Variants in ARHGEF26 observed in about 807,000 individuals in gnomAD.
ARHGEF26 encodes the protein Rho guanine nucleotide exchange factor 26.
Under a neutral mutation model 89.4 loss-of-function variants are expected in ARHGEF26, and 59 were observed. The ratio of observed to expected loss-of-function variants is 0.66; its 90% CI spans 0.54 to 0.82. The LOEUF (loss-of-function observed/expected upper bound fraction) is 0.82, where lower values mean the gene tolerates loss of function less well. ARHGEF26 is among the 40% of genes least tolerant of loss of function. The pLI, the probability that ARHGEF26 is intolerant of heterozygous loss-of-function variation, is 0.00. For synonymous variants in ARHGEF26, 500 were observed against 428.4 expected, an observed-to-expected ratio of 1.17 and a Z score of -2.06; for missense variants, 1,234 against 1,085.6, an observed-to-expected ratio of 1.14 and a Z score of -1.92.
chr3:154,231,899 G>GT (rs142817601), intron 11 of ARHGEF26, among the ~76,000 whole-genome samples: 14 of 147,368 alleles, frequency 9.5e-5, no homozygotes, highest in Non-Finnish European at 1.3e-4. Flanking sequence ...TGTAGTAGCA[G>GT]TTTTTTTTTT....
intron 6 of ARHGEF26, among the ~76,000 whole-genome samples, chr3:154,159,527 C>A (rs1713809): frequency 0.67 from 101,257 of 151,846 alleles, 34,676 homozygotes; most frequent in South Asian, 0.77. Flanking sequence ...TAGTACTTAC[C>A]CCGCACTTGC....
At chr3:154,142,304 G>A (rs1719434143) in intron 4 of ARHGEF26, among the ~76,000 whole-genome samples, 2 of 152,142 alleles carry the variant, frequency 1.3e-5, no homozygotes, top group South Asian at 4.1e-4. Flanking sequence ...CTGGCCTCAA[G>A]TGATCCACTT....
rs2108246911 is a variant in ARHGEF26 at position 154,217,949 on chromosome 3, TA to T, written c.1930del (p.Ile644LeufsTer6). 6.3e-7 allele frequency: 1 copy of T among 1,587,390 alleles called. No individual in the cohort carries two copies. The highest frequency in any genetic ancestry group is 1.8e-5 in the Admixed American group (1 of 56,102). On this transcript the variant is annotated frameshift_variant, in exon 10 of 15. Transcript: ENST00000465093. LOFTEE classifies it high-confidence loss of function. ...MYTINSQLEF[K>X]IKPFPLVSSS... ...ACACAATTAACTCCCAGCTGGAATT[TA>T]AAATTAAGGTATTCTCGTACCTTGT...
In ARHGEF26 at chr3:154,122,294, A is replaced by G; in HGVS notation, c.302A>G (p.Tyr101Cys). The change falls in exon 2 of 15, where the codon TAC becomes TGC. Residue 101 changes from tyrosine (Y) to cysteine (C), a missense_variant. Transcript: ENST00000465093. ...AATGGTGGGACGGCATCCCCGGAGTACAGGGCTGCCTCTCCTCGACTTCGA... is the reference window on the plus strand; with the variant it reads ...AATGGTGGGACGGCATCCCCGGAGTGCAGGGCTGCCTCTCCTCGACTTCGA... ...VANGGTASPE[Y>C]RAASPRLRRP... 1.9e-6 allele frequency: 3 copies of G among 1,612,726 alleles called. No individual in the cohort carries two copies. The highest frequency in any genetic ancestry group is 2.2e-5 in the East Asian group (1 of 44,848).
intron 3 of ARHGEF26, among the ~76,000 whole-genome samples, chr3:154,125,509 C>T (rs1374684222): frequency 1.3e-5 from 2 of 152,162 alleles, no homozygotes; most frequent in African/African-American, 4.8e-5. Context: ...TAGTAGGACA[C>T]AGATCGAGTT....
intron 5 of ARHGEF26, among the ~76,000 whole-genome samples, chr3:154,149,963 A>G (rs1271396963): frequency 6.6e-6 from 1 of 151,794 alleles, no homozygotes; most frequent in African/African-American, 2.4e-5. Context: ...CAGTTTTACA[A>G]CTTGAAGTTT....
Position 154,191,284 on chromosome 3 carries a change from C to G in ARHGEF26, c.1641-5C>G, listed in dbSNP as rs1428031822. ...GAAGTTTCTCTTTTCTTTGTTTTCC[C>G]TCAGAGCTACCAATCCATCCTTTAA... On this transcript the variant is annotated splice_polypyrimidine_tract_variant and splice_region_variant and intron_variant, in intron 7 of 14. Transcript: ENST00000465093. The G allele has an allele frequency of 6.9e-6, 11 of 1,604,216 alleles. 1 individual carries two copies. The South Asian group carries it at 1.1e-4, about 16-fold the overall frequency.
chr3:154,176,790 T>C (rs1712846946), intron 6 of ARHGEF26, among the ~76,000 whole-genome samples: 1 of 152,164 alleles, frequency 6.6e-6, no homozygotes, highest in African/African-American at 2.4e-5. Flanking sequence ...GTAGATTCTT[T>C]TTACCTTTTA....
At chr3:154,135,889 TATG>T (rs1718972505) in intron 4 of ARHGEF26, among the ~76,000 whole-genome samples, 3 of 152,214 alleles carry the variant, frequency 2.0e-5, no homozygotes, top group Non-Finnish European at 4.4e-5. Context: ...GATCATGTAC[TATG>T]CATGTATGAA....
chr3:154,127,056 C>T (rs866012871), intron 3 of ARHGEF26, among the ~76,000 whole-genome samples: 4 of 152,038 alleles, frequency 2.6e-5, no homozygotes, highest in African/African-American at 9.7e-5. Flanking sequence ...GGACTCTTAC[C>T]GTGAATGGAG....
chr3:154,143,156 G>A (rs1719487914), intron 4 of ARHGEF26, among the ~76,000 whole-genome samples: 1 of 152,086 alleles, frequency 6.6e-6, no homozygotes, highest in South Asian at 2.1e-4. Context: ...GCCAAGACAT[G>A]TTTATTACAG....
intron 13 of ARHGEF26, among the ~76,000 whole-genome samples, chr3:154,254,151 G>A (rs188143106): frequency 7.9e-5 from 12 of 152,226 alleles, no homozygotes; most frequent in Non-Finnish European, 1.6e-4. Flanking sequence ...TCCTGACCTC[G>A]TGATCCGCCT....
chr3:154,192,777 T>G (rs955210861), intron 8 of ARHGEF26, among the ~76,000 whole-genome samples: 3 of 152,192 alleles, frequency 2.0e-5, no homozygotes, highest in African/African-American at 7.2e-5. Context: ...TCTTGTAATA[T>G]TAGACTTTTG....
intron 12 of ARHGEF26, among the ~76,000 whole-genome samples, chr3:154,249,825 A>G (rs1718019277): frequency 6.6e-6 from 1 of 152,172 alleles, no homozygotes; most frequent in African/African-American, 2.4e-5. Flanking sequence ...TGTGTGGTAG[A>G]TTGTGAATTC....
intron 5 of ARHGEF26, among the ~76,000 whole-genome samples, chr3:154,149,938 A>AT (rs1218760113): frequency 1.5e-4 from 23 of 151,652 alleles, no homozygotes; most frequent in African/African-American, 5.1e-4. Context: ...AAAAAAAAAA[A>AT]ACAGGTTAAT....
chr3:154,174,205 T>C (rs1032188699), intron 6 of ARHGEF26, among the ~76,000 whole-genome samples: 18 of 152,196 alleles, frequency 1.2e-4, no homozygotes, highest in Non-Finnish European at 2.6e-4. Context: ...ACAGCGCCAG[T>C]CATTCCAGCC....
chr3:154,245,853 G>C (rs887902335), intron 12 of ARHGEF26, among the ~76,000 whole-genome samples: 1 of 152,168 alleles, frequency 6.6e-6, no homozygotes, highest in African/African-American at 2.4e-5. Context: ...GGATGTAGCA[G>C]TGAACCATAC....
chr3:154,219,782 C>T lies in ARHGEF26; in HGVS notation c.1935+1824C>T, dbSNP rs185083698. On this transcript the variant is annotated intron_variant, in intron 10 of 14. Transcript: ENST00000465093. ...CAAAAAAATTAGCCGGGCGTGGTGG[C>T]GGGCACCTGTAGTCCCAGCTACTCG... is the stretch of plus-strand genomic sequence containing the variant. 8.3e-3 allele frequency among the ~76,000 whole-genome samples: 1,256 copies of T among 151,822 alleles called. 15 individuals carry two copies. Among genetic ancestry groups the T allele is most frequent in the African/African-American group, 0.029 (1,198 of 41,418 alleles).
chr3:154,254,875 T>C (rs1299184584), intron 14 of ARHGEF26, 51 bp downstream of exon 14: 1 of 1,478,258 alleles, frequency 6.8e-7, no homozygotes, highest in Non-Finnish European at 9.4e-7. Flanking sequence ...TGCAGAGTGC[T>C]ATAGACCCGA....
Sources: allele counts gnomAD v4.1 joint callset (sites outside exome capture counted in the v4.1 genomes callset), GRCh38; gene constraint gnomAD v4.1.1; transcripts MANE v1.5; gene names NCBI Gene and HGNC (gene_info 2026-07-23, HGNC 2026-07-21).